The following UNG variants were observed in gnomAD, a reference collection of about 807,000 sequenced individuals.
The protein encoded by UNG is uracil DNA glycosylase, also known as uracil-DNA glycosylase.
A neutral mutation model predicts 36.5 loss-of-function variants in UNG; 34 were observed. That is an observed-to-expected ratio of 0.93 (90% CI 0.71 to 1.24). The LOEUF (loss-of-function observed/expected upper bound fraction) is 1.24. UNG is among the 50% of genes most tolerant of loss of function. UNG has a pLI of 0.00. For missense variants in UNG, 391 were observed against 397.6 expected, an observed-to-expected ratio of 0.98 and a Z score of 0.14; for synonymous variants, 172 against 157.8, an observed-to-expected ratio of 1.09 and a Z score of -0.67.
intron 6 of UNG, among the ~76,000 whole-genome samples, chr12:109,107,524 T>A: frequency 7.0e-6 from 1 of 142,446 alleles, no homozygotes; most frequent in South Asian, 2.4e-4. Flanking sequence ...TCCTCTTTTT[T>A]TTTTTTTTTT....
Position 109,110,832 on chromosome 12 carries a change from C to CAG in UNG, c.*865_*866dup, listed in dbSNP as rs2042258028. ...TTTAGTTTTTTAAGAAGTACTCATGCAGATATATATATATATATTTTTCCC... is the reference window on the plus strand; with the variant it reads ...TTTAGTTTTTTAAGAAGTACTCATGCAGAGATATATATATATATATTTTTCCC... On this transcript the variant is annotated 3_prime_UTR_variant, in exon 7 of 7. Transcript: ENST00000242576. The CAG allele has an allele frequency of 6.6e-6, 1 of 150,886 alleles. No individual in the cohort carries two copies. The highest frequency in any genetic ancestry group is 2.0e-4 in the East Asian group (1 of 5,110). 9.3% of individuals were successfully genotyped at this position (150,886 alleles called of 1,614,324 possible). A position where few individuals can be genotyped will look rare whatever the true frequency, so the allele number is the denominator to read the frequency against.
Position 109,110,254 on chromosome 12 carries a change from G to T in UNG, c.*285G>T, listed in dbSNP as rs955219746. 1.8e-5 allele frequency: 8 copies of T among 450,448 alleles called. No homozygotes were observed. Among genetic ancestry groups the T allele is most frequent in the African/African-American group, 1.4e-4 (7 of 50,258 alleles). The allele number at this position is 450,448 out of a possible 1,614,324, so 27.9% of individuals were successfully genotyped here. ...TCAGTTGGCTCTCTTTATCTCCCTT[G>T]CCTTTATGGTGAAACAGGGGAGATG... On this transcript the variant is annotated 3_prime_UTR_variant, in exon 7 of 7. Transcript: ENST00000242576.
In UNG at chr12:109,097,740, G is replaced by A. The variant is rs1435043915; in HGVS notation, c.61G>A (p.Ala21Thr). 1.6e-5 allele frequency: 25 copies of A among 1,578,426 alleles called. No individual in the cohort carries two copies. Among genetic ancestry groups the A allele is most frequent in the Non-Finnish European group, 2.1e-5 (24 of 1,162,724 alleles). ...CCCCAGCCCCGCCAGGAAGCGACAC[G>A]CCCCCAGCCCCGAGCCGGCCGTCCA... ...FSPSPARKRH[A>T]PSPEPAVQGT... The change falls in exon 1 of 7, where the codon GCC becomes ACC. Residue 21 changes from alanine to threonine, a missense_variant. Ala to Thr is a moderately conservative substitution (Grantham distance 58). Coordinates refer to ENST00000242576, the MANE Select transcript of UNG (RefSeq NM_080911.3).
rs1375479735 is a variant in UNG, at chr12:109,102,887, T to G, written c.582T>G (p.Val194=). 1 of 1,613,778 alleles carries G rather than the reference T, an allele frequency of 6.2e-7. No homozygotes were observed. Reference sequence around the variant, plus strand: ...TGTCTACAGACATAGAGGATTTTGTTCATCCTGGCCATGGAGATTTATCTG... The same window carrying G: ...TGTCTACAGACATAGAGGATTTTGTGCATCCTGGCCATGGAGATTTATCTG... ...KELSTDIEDF[V]HPGHGDLSGW... The change falls in exon 5 of 7, where the codon GTT becomes GTG. Residue 194 remains valine, a synonymous_variant. Coordinates refer to ENST00000242576, the MANE Select transcript of UNG (RefSeq NM_080911.3).
chr12:109,102,884 T>G lies in UNG; in HGVS notation c.579T>G (p.Phe193Leu), dbSNP rs199547586. 3.0e-4 allele frequency: 482 copies of G among 1,614,058 alleles called. 2 individuals carry two copies. Among genetic ancestry groups the G allele is most frequent in the Non-Finnish European group, 3.2e-5 (38 of 1,179,992 alleles). ...YKELSTDIED[F>L]VHPGHGDLSG... ...AGTTGTCTACAGACATAGAGGATTT[T>G]GTTCATCCTGGCCATGGAGATTTAT... The change falls in exon 5 of 7, where the codon TTT (phenylalanine) becomes TTG (leucine). Residue 193 changes from phenylalanine (F) to leucine (L), a missense_variant. Physicochemically the swap from Phe to Leu is conservative, Grantham distance 22. Transcript: ENST00000242576.
intron 6 of UNG, among the ~76,000 whole-genome samples, chr12:109,104,502 CCTAAAAGTCAT>C (rs1283710769): frequency 6.6e-6 from 1 of 152,166 alleles, no homozygotes; most frequent in Non-Finnish European, 1.5e-5. Flanking sequence ...AAATCAGAGA[CCTAAAAGTCAT>C]CCTTGAATCC....
At chr12:109,099,452 T>A in intron 3 of UNG, 168 bp downstream of exon 3, 1 of 649,206 alleles carries the variant, frequency 1.5e-6, no homozygotes, top group Non-Finnish European at 2.7e-6. Flanking sequence ...CTTTTTAATG[T>A]TTACCACGTG....
At position 109,103,630 on chromosome 12, in the gene UNG, CTTTT is replaced by C. The variant is rs144108564; in HGVS notation, c.801+24_801+27del. ...TGATAGGGTATGTTTTGTTTTCTTT[CTTTT>C]TTTTCTTTTTTTTTTAACACTATAA... is the stretch of plus-strand genomic sequence containing the variant. On this transcript the variant is annotated intron_variant, in intron 6 of 6. Coordinates refer to ENST00000242576, the MANE Select transcript of UNG (RefSeq NM_080911.3). 0.078 allele frequency: 121,548 copies of C among 1,564,322 alleles called. 4,730 individuals carry two copies. Among genetic ancestry groups the C allele is most frequent in the Non-Finnish European group, 0.085 (98,121 of 1,154,242 alleles).
At position 109,103,547 on chromosome 12, in the gene UNG, C is replaced by G. The variant is rs767395614; in HGVS notation, c.737C>G (p.Ser246Trp). 1 of 1,614,110 alleles carries G rather than the reference C, an allele frequency of 6.2e-7. No homozygotes were observed. Among genetic ancestry groups the G allele is most frequent in the Non-Finnish European group, 8.5e-7 (1 of 1,180,032 alleles). ...GTTGTGTCCTGGCTAAATCAGAACTCGAATGGCCTTGTTTTCTTGCTCTGG... is the reference window on the plus strand; with the variant it reads ...GTTGTGTCCTGGCTAAATCAGAACTGGAATGGCCTTGTTTTCTTGCTCTGG... ...DAVVSWLNQN[S>W]NGLVFLLWGS... is the part of the protein sequence containing the mutation. Residue 246 changes from serine (S) to tryptophan (W), a missense_variant, in exon 6 of 7, where the codon TCG becomes TGG. Physicochemically the swap from Ser to Trp is radical, Grantham distance 177. Transcript: ENST00000242576.
intron 6 of UNG, among the ~76,000 whole-genome samples, chr12:109,108,119 A>G (rs2042231337): frequency 6.6e-6 from 1 of 152,210 alleles, no homozygotes; most frequent in African/African-American, 2.4e-5. Context: ...TTTACATTGT[A>G]AGAACTTTAG....
chr12:109,097,960 C>G lies in UNG; in HGVS notation c.132+149C>G, dbSNP rs904499476. On this transcript the variant is annotated intron_variant, in intron 1 of 6. Transcript: ENST00000242576. ...GCCTCCACGTGTTCAAAATAGCCGC[C>G]GCTGTCCCCCATGGGCCGCCATGCT... The G allele has an allele frequency of 7.0e-6, 9 of 1,285,628 alleles. No individual in the cohort carries two copies. The South Asian group carries it at 1.4e-4, about 21-fold the overall frequency. 79.6% of individuals were successfully genotyped at this position (1,285,628 alleles called of 1,614,324 possible).
In UNG at chr12:109,101,924, A is replaced by G; in HGVS notation, c.458A>G (p.Gln153Arg). Residue 153 changes from glutamine (Q) to arginine (R), a missense_variant, in exon 4 of 7, where the codon CAG becomes CGG. Transcript: ENST00000242576. ...CAGGTGAAGGTTGTCATCCTGGGAC[A>G]GGATCCATATCATGGACCTAATCAA... ...IKDVKVVILG[Q>R]DPYHGPNQAH... 1 of 1,614,076 alleles carries G rather than the reference A, an allele frequency of 6.2e-7. No homozygotes were observed.
Position 109,100,161 on chromosome 12 carries a change from C to G in UNG, c.435+877C>G, listed in dbSNP as rs3782900. On this transcript the variant is annotated intron_variant, in intron 3 of 6. Coordinates refer to ENST00000242576, the MANE Select transcript of UNG (RefSeq NM_080911.3). Reference sequence around the variant, plus strand: ...TCCTACCTCTCAGCCTTACCTCCACCTCCCACTCTCCCACTCCAGAGTTGG... The same window carrying G: ...TCCTACCTCTCAGCCTTACCTCCACGTCCCACTCTCCCACTCCAGAGTTGG... 3.5e-3 allele frequency among the ~76,000 whole-genome samples: 526 copies of G among 152,318 alleles called. 16 individuals carry two copies. The East Asian group carries it at 0.075, about 22-fold the overall frequency.
chr12:109,109,284 A>G (rs2042241798), intron 6 of UNG, among the ~76,000 whole-genome samples: 1 of 152,152 alleles, frequency 6.6e-6, no homozygotes. Context: ...AAAATTGCAT[A>G]GATAATTGCC....
At position 109,102,898 on chromosome 12, in the gene UNG, A is replaced by T. The variant is rs201388456; in HGVS notation, c.593A>T (p.His198Leu). ...ATAGAGGATTTTGTTCATCCTGGCCATGGAGATTTATCTGGGTGGGCCAAG... is the reference window on the plus strand; with the variant it reads ...ATAGAGGATTTTGTTCATCCTGGCCTTGGAGATTTATCTGGGTGGGCCAAG... ...TDIEDFVHPG[H>L]GDLSGWAKQG... The change falls in exon 5 of 7, where the codon CAT (histidine) becomes CTT (leucine). Residue 198 changes from histidine (H) to leucine (L), a missense_variant. Physicochemically the swap from His to Leu is moderately conservative, Grantham distance 99. Coordinates refer to ENST00000242576, the MANE Select transcript of UNG (RefSeq NM_080911.3). 1.2e-6 allele frequency: 2 copies of T among 1,609,604 alleles called. No individual in the cohort carries two copies. Among genetic ancestry groups the T allele is most frequent in the Non-Finnish European group, 1.7e-6 (2 of 1,178,088 alleles).
At chr12:109,103,722 A>G (rs939696373) in intron 6 of UNG, 111 bp downstream of exon 6, 59 of 1,279,024 alleles carry the variant, frequency 4.6e-5, no homozygotes, top group Non-Finnish European at 5.9e-5. Flanking sequence ...CATGTTATAA[A>G]ATAACTTTTA....
chr12:109,109,560 G>A (rs779306070), intron 6 of UNG, among the ~76,000 whole-genome samples: 3 of 151,612 alleles, frequency 2.0e-5, no homozygotes, highest in Non-Finnish European at 2.9e-5. Context: ...CAAGGCGAGC[G>A]GATCACGAGG....
chr12:109,101,946 T>A lies in UNG; in HGVS notation c.480T>A (p.Asn160Lys). The A allele has an allele frequency of 1.9e-6, 3 of 1,614,080 alleles. No individual in the cohort carries two copies. The highest frequency in any genetic ancestry group is 2.5e-6 in the Non-Finnish European group (3 of 1,179,998). The change falls in exon 4 of 7, where the codon AAT becomes AAA. Residue 160 changes from asparagine (N) to lysine (K), a missense_variant. By Grantham distance (94) the Asn-to-Lys change is moderately conservative (BLOSUM62 0). Coordinates refer to ENST00000242576, the MANE Select transcript of UNG (RefSeq NM_080911.3). ...GACAGGATCCATATCATGGACCTAA[T>A]CAAGCTCACGGGCTCTGCTTTAGTG... ...ILGQDPYHGPNQAHGLCFSVQ... is the reference protein window; with the variant it reads ...ILGQDPYHGPKQAHGLCFSVQ...
Position 109,097,673 on chromosome 12 carries a change from C to A in UNG, c.-7C>A. 6.2e-7 allele frequency: 1 copy of A among 1,604,984 alleles called. No individual in the cohort carries two copies. The highest frequency in any genetic ancestry group is 2.3e-5 in the East Asian group (1 of 44,294). ...TGGCGCGCGTTCGCTGCCTCCTCAG[C>A]TCCAGGATGATCGGCCAGAAGACGC... On this transcript the variant is annotated 5_prime_UTR_variant, in exon 1 of 7. Transcript: ENST00000242576.
Sources: gnomAD v4.1 joint callset for allele counts (sites outside exome capture counted in the v4.1 genomes callset) on GRCh38, gnomAD v4.1.1 for gene constraint, MANE v1.5 for transcripts, NCBI Gene and HGNC (gene_info 2026-07-23, HGNC 2026-07-21) for gene names.